The following CLEC16A variants were observed in gnomAD, a reference collection of about 807,000 sequenced individuals.
CLEC16A encodes the protein C-type lectin domain containing 16A.
Under a neutral mutation model 109.5 loss-of-function variants are expected in CLEC16A, and 51 were observed. That is an observed-to-expected ratio of 0.47 (90% confidence interval 0.37 to 0.59). The LOEUF is 0.59. Among genes scored for constraint, CLEC16A ranks in the 20% least tolerant of loss-of-function variants. The pLI, the probability that CLEC16A is intolerant of heterozygous loss-of-function variation, is 0.00. For synonymous variants in CLEC16A, 673 were observed against 564.2 expected (o/e 1.19, Z -2.73); for missense variants, 1,339 against 1,394.0 (o/e 0.96, Z 0.63).
At chr16:11,039,159 A>C (rs987379393) in intron 13 of CLEC16A, among the ~76,000 whole-genome samples, 2 of 150,772 alleles carry the variant, frequency 1.3e-5, no homozygotes, top group African/African-American at 4.9e-5. Flanking sequence ...CCCTTTTTCT[A>C]CTCCCTTCCC....
intron 19 of CLEC16A, among the ~76,000 whole-genome samples, chr16:11,110,008 G>A (rs944325685): frequency 6.6e-5 from 10 of 152,184 alleles, no homozygotes; most frequent in African/African-American, 9.7e-5. Context: ...ATTGGCATCC[G>A]TATTTTATTG....
rs116107845 is a variant in CLEC16A, at chr16:11,144,228, G to C, written c.2641+18082G>C. On this transcript the variant is annotated intron_variant, in intron 22 of 23. Transcript: ENST00000409790. ...ATGAGCAAATCATGCTATCCCAGGA[G>C]AGCAAGGAGCTGAGTGAACATCCAT... Among the ~76,000 whole-genome samples, 871 of 152,308 alleles carry C rather than the reference G, an allele frequency of 5.7e-3. 2 individuals carry two copies. Among genetic ancestry groups the C allele is most frequent in the African/African-American group, 0.02 (846 of 41,566 alleles).
At chr16:10,977,852 T>A (rs2043106395) in intron 8 of CLEC16A, among the ~76,000 whole-genome samples, 1 of 152,198 alleles carries the variant, frequency 6.6e-6, no homozygotes, top group African/African-American at 2.4e-5. Context: ...CTGGCTTTCC[T>A]TTCCTTTCCT....
chr16:11,111,309 C>T (rs1006709061), intron 19 of CLEC16A, among the ~76,000 whole-genome samples: 1 of 152,110 alleles, frequency 6.6e-6, no homozygotes, highest in African/African-American at 2.4e-5. Context: ...CATCAGCTGG[C>T]GTGTATAGAC....
rs146527158 is a variant in CLEC16A, at chr16:11,000,448, A to G, written c.1072-2626A>G. Reference sequence around the variant, plus strand: ...CTATTTTCTGTTTCTGAAAGCTTTGATTGCTGTGTGGCCGGCTCTGAAATT... The same window carrying G: ...CTATTTTCTGTTTCTGAAAGCTTTGGTTGCTGTGTGGCCGGCTCTGAAATT... On this transcript the variant is annotated intron_variant, in intron 10 of 23. Coordinates refer to ENST00000409790, the MANE Select transcript of CLEC16A (RefSeq NM_015226.3). Among the ~76,000 whole-genome samples, 310 of 152,170 alleles carry G rather than the reference A, an allele frequency of 2.0e-3. 2 individuals are homozygous for G. The highest frequency in any genetic ancestry group is 3.9e-3 in the Non-Finnish European group (263 of 67,996).
chr16:10,945,346 T>TA (rs1319752626), intron 1 of CLEC16A, among the ~76,000 whole-genome samples: 11 of 152,174 alleles, frequency 7.2e-5, no homozygotes, highest in African/African-American at 2.4e-4. Context: ...TTAATTATTA[T>TA]AAAAGAACAG....
At chr16:11,125,464 G>A (rs2003400) in intron 21 of CLEC16A, among the ~76,000 whole-genome samples, 52,890 of 152,012 alleles carry the variant, frequency 0.35, 10,107 homozygotes, top group African/African-American at 0.52. Context: ...ATATTGGGAG[G>A]TTTATTTATG....
chr16:10,954,338 T>C lies in CLEC16A; in HGVS notation c.81-3444T>C, dbSNP rs913649100. ...AAGCCCTCGCAGAGAACCAGGCACG[T>C]GGGGGCTCCTAGAATCTTTTTTTCA... On this transcript the variant is annotated intron_variant, in intron 1 of 23. Coordinates refer to ENST00000409790, the MANE Select transcript of CLEC16A (RefSeq NM_015226.3). The surrounding 1 kb of genome is among the most constrained non-coding windows in gnomAD (Gnocchi z 4.2). Among the ~76,000 whole-genome samples, 8 of 152,146 alleles carry C rather than the reference T, an allele frequency of 5.3e-5. No homozygotes were observed. Among genetic ancestry groups the C allele is most frequent in the Non-Finnish European group, 1.0e-4 (7 of 68,022 alleles).
intron 3 of CLEC16A, among the ~76,000 whole-genome samples, chr16:10,963,685 C>A (rs535272690): frequency 6.6e-6 from 1 of 152,344 alleles, no homozygotes; most frequent in East Asian, 1.9e-4. Flanking sequence ...ATAACCACCC[C>A]TGAGAGGCAG....
chr16:11,072,273 C>T (rs2049117906), intron 19 of CLEC16A, among the ~76,000 whole-genome samples: 1 of 151,868 alleles, frequency 6.6e-6, no homozygotes, highest in African/African-American at 2.4e-5. Context: ...GCACGTGCCA[C>T]CATGCCTGCC....
chr16:11,023,255 C>G (rs1020178928), intron 12 of CLEC16A, among the ~76,000 whole-genome samples: 1 of 151,998 alleles, frequency 6.6e-6, no homozygotes, highest in Non-Finnish European at 1.5e-5. Flanking sequence ...CCTGCGTAAA[C>G]AAAACGCTTA....
intron 2 of CLEC16A, among the ~76,000 whole-genome samples, chr16:10,962,071 G>T (rs1408499306): frequency 2.0e-5 from 3 of 148,914 alleles, no homozygotes; most frequent in Non-Finnish European, 4.4e-5. Context: ...TCCCACCTTA[G>T]CCTCCTGAGT....
intron 22 of CLEC16A, among the ~76,000 whole-genome samples, chr16:11,160,817 A>C (rs952314772): frequency 6.6e-6 from 1 of 152,196 alleles, no homozygotes; most frequent in African/African-American, 2.4e-5. Context: ...TGCTGTCCCT[A>C]ATGTGTGATT....
intron 14 of CLEC16A, chr16:11,040,755 A>C (rs1019962405): frequency 6.6e-6 from 1 of 151,196 alleles, no homozygotes; most frequent in Non-Finnish European, 1.5e-5. Flanking sequence ...CTCATGATCC[A>C]CCCACCTCGG....
At chr16:10,964,754 A>G (rs115423459) in intron 3 of CLEC16A, among the ~76,000 whole-genome samples, 2 of 152,182 alleles carry the variant, frequency 1.3e-5, no homozygotes, top group Admixed American at 6.5e-5. Flanking sequence ...AATTGTATAT[A>G]TTTAATGTGT....
At chr16:11,082,564 G>A (rs1012434969) in intron 19 of CLEC16A, among the ~76,000 whole-genome samples, 10 of 152,306 alleles carry the variant, frequency 6.6e-5, no homozygotes, top group African/African-American at 2.4e-4. Context: ...GGAATGAGTG[G>A]TGTGTAAAGG....
chr16:11,007,778 G>T (rs1334030374), intron 11 of CLEC16A, among the ~76,000 whole-genome samples: 2 of 152,124 alleles, frequency 1.3e-5, no homozygotes, highest in African/African-American at 4.8e-5. Context: ...GAGTGTGCAG[G>T]TGAGTATGTG....
intron 19 of CLEC16A, among the ~76,000 whole-genome samples, chr16:11,085,159 C>G (rs1336256910): frequency 1.3e-5 from 2 of 152,254 alleles, no homozygotes; most frequent in Non-Finnish European, 2.9e-5. Context: ...GCACCAAGCA[C>G]TGGACTCATT....
intron 19 of CLEC16A, among the ~76,000 whole-genome samples, chr16:11,075,203 A>G (rs552282789): frequency 2.6e-4 from 39 of 152,154 alleles, no homozygotes; most frequent in African/African-American, 7.5e-4. Context: ...TTGATTTCTC[A>G]CAAAGGAAGG....
Sources: gnomAD v4.1 joint callset for allele counts (sites outside exome capture counted in the v4.1 genomes callset) on GRCh38, gnomAD v4.1.1 for gene constraint, Gnocchi (gnomAD v3.1) non-coding constraint, MANE v1.5 for transcripts, NCBI Gene and HGNC (gene_info 2026-07-23, HGNC 2026-07-21) for gene names.